Variants in PTPRD observed in about 807,000 individuals in gnomAD.
The protein encoded by PTPRD is receptor-type tyrosine-protein phosphatase delta.
In PTPRD, 34 loss-of-function variants were observed where a neutral mutation model predicts 214.5. The ratio of observed to expected loss-of-function variants is 0.16; its 90% CI spans 0.12 to 0.21. PTPRD has a LOEUF of 0.21. PTPRD is among the 10% of genes least tolerant of loss of function. The probability of loss-of-function intolerance (pLI) is 1.00; values close to 1 mark genes in which losing one functional copy is unlikely to be tolerated. For missense variants in PTPRD, 2,545 were observed against 2,398.7 expected (o/e 1.06, Z -1.27); for synonymous variants, 1,128 against 845.7 (o/e 1.33, Z -5.79).
chr9:9,500,415 C>T (rs531386276), intron 8 of PTPRD, among the ~76,000 whole-genome samples: 7 of 152,128 alleles, frequency 4.6e-5, no homozygotes, highest in African/African-American at 1.7e-4. Flanking sequence ...CAGAATTTTC[C>T]TGATAGCAGT....
At chr9:9,899,346 A>G (rs1472270723) in intron 5 of PTPRD, among the ~76,000 whole-genome samples, 1 of 152,092 alleles carries the variant, frequency 6.6e-6, no homozygotes, top group Admixed American at 6.6e-5. Flanking sequence ...AGGAACTAAA[A>G]CAACTCAATA....
At chr9:9,844,635 C>T (rs10978030) in intron 5 of PTPRD, among the ~76,000 whole-genome samples, 16,834 of 151,722 alleles carry the variant, frequency 0.11, 2,408 homozygotes, top group East Asian at 0.74. Flanking sequence ...CTCATAACTA[C>T]GACAAATTAC....
At chr9:9,354,631 C>T in intron 9 of PTPRD, among the ~76,000 whole-genome samples, 1 of 151,724 alleles carries the variant, frequency 6.6e-6, no homozygotes. Flanking sequence ...AGATAATACA[C>T]AACTATAGCC....
intron 3 of PTPRD, among the ~76,000 whole-genome samples, chr9:10,290,063 A>G (rs1255255244): frequency 1.3e-5 from 2 of 152,156 alleles, no homozygotes; most frequent in Non-Finnish European, 2.9e-5. Flanking sequence ...TGACAGGATG[A>G]CCATAATACA....
intron 3 of PTPRD, among the ~76,000 whole-genome samples, chr9:10,228,714 T>G (rs2099597498): frequency 6.7e-6 from 1 of 149,906 alleles, no homozygotes; most frequent in Non-Finnish European, 1.5e-5. Context: ...ATAGAATATA[T>G]TATATGTATA....
intron 38 of PTPRD, 102 bp downstream of exon 38, chr9:8,376,505 G>A: frequency 6.6e-7 from 1 of 1,523,824 alleles, no homozygotes; most frequent in Non-Finnish European, 9.0e-7. Context: ...TTGCCATTGA[G>A]ATCAAGATTT....
At chr9:9,175,653 G>C (rs1191972338) in intron 10 of PTPRD, among the ~76,000 whole-genome samples, 1 of 112,484 alleles carries the variant, frequency 8.9e-6, no homozygotes, top group Non-Finnish European at 1.9e-5. Context: ...AAAAAAAAGA[G>C]TTTTAACAAT....
chr9:10,302,267 C>T (rs570430585), intron 3 of PTPRD, among the ~76,000 whole-genome samples: 4 of 152,246 alleles, frequency 2.6e-5, no homozygotes, highest in African/African-American at 9.6e-5. Flanking sequence ...CTGAAGGAAG[C>T]ACTAAACATG....
intron 14 of PTPRD, among the ~76,000 whole-genome samples, chr9:8,571,642 A>G (rs79239516): frequency 2.7e-3 from 407 of 152,270 alleles, no homozygotes; most frequent in African/African-American, 9.5e-3. Flanking sequence ...AATTTATCCT[A>G]AATACCTCAC....
chr9:10,257,055 C>A (rs1160251557), intron 3 of PTPRD, among the ~76,000 whole-genome samples: 2 of 151,636 alleles, frequency 1.3e-5, no homozygotes, highest in African/African-American at 4.8e-5. Flanking sequence ...CTCCTCAAGA[C>A]TGAAGGCTCC....
chr9:8,709,402 C>T (rs987712296), intron 12 of PTPRD, among the ~76,000 whole-genome samples: 7 of 151,114 alleles, frequency 4.6e-5, no homozygotes, highest in Admixed American at 3.3e-4. Flanking sequence ...GTAGTCCCAG[C>T]TACTCGGGAG....
intron 12 of PTPRD, among the ~76,000 whole-genome samples, chr9:8,653,648 T>C (rs1403249888): frequency 1.3e-5 from 2 of 152,122 alleles, no homozygotes; most frequent in East Asian, 3.9e-4. Flanking sequence ...CTCTGTCATC[T>C]ATCAATCAAC....
intron 6 of PTPRD, among the ~76,000 whole-genome samples, chr9:9,753,924 C>T (rs1166922996): frequency 3.3e-5 from 5 of 151,958 alleles, no homozygotes; most frequent in East Asian, 1.9e-4. Flanking sequence ...TAAGAAAACT[C>T]GGATTTCCTC....
At chr9:9,480,401 C>G (rs1222313752) in intron 8 of PTPRD, among the ~76,000 whole-genome samples, 1 of 152,030 alleles carries the variant, frequency 6.6e-6, no homozygotes, top group African/African-American at 2.4e-5. Flanking sequence ...ATATAAGTTC[C>G]TTTTCAAATA....
chr9:9,439,490 G>T (rs2086659199), intron 8 of PTPRD, among the ~76,000 whole-genome samples: 1 of 152,102 alleles, frequency 6.6e-6, no homozygotes, highest in South Asian at 2.1e-4. Flanking sequence ...TGAACAACCT[G>T]CTGCAAGGAG....
intron 2 of PTPRD, among the ~76,000 whole-genome samples, chr9:10,347,988 G>A (rs542407347): frequency 7.9e-5 from 12 of 152,018 alleles, no homozygotes; most frequent in Admixed American, 4.6e-4. Flanking sequence ...AACCCAGGAG[G>A]TGGTGGCTGC....
rs559954808 is a variant in PTPRD at position 9,009,409 on chromosome 9, T to TATTTC, written c.-104+9287_-104+9288insGAAAT. Among the ~76,000 whole-genome samples the TATTTC allele has an allele frequency of 6.6e-4, 63 of 96,120 alleles. No individual in the cohort carries two copies. In the East Asian group the frequency reaches 0.024, roughly 37 times the overall value. 63.1% of individuals were successfully genotyped at this position (96,120 alleles called of 152,430 possible). A position where few individuals can be genotyped will look rare whatever the true frequency, so the allele number is the denominator to read the frequency against. ...CTCCACAAATTTCAGCAGTTCTTTC[T>TATTTC]ATTTTATTTTATTTTATTTTATTTT... On this transcript the variant is annotated intron_variant, in intron 11 of 45. Transcript: ENST00000381196.
chr9:8,583,092 G>A (rs1217309508), intron 14 of PTPRD, among the ~76,000 whole-genome samples: 2 of 152,188 alleles, frequency 1.3e-5, no homozygotes, highest in Non-Finnish European at 2.9e-5. Flanking sequence ...TTCCACCTCA[G>A]ATCATAAGGC....
intron 11 of PTPRD, among the ~76,000 whole-genome samples, chr9:8,978,911 T>C (rs2099287663): frequency 6.6e-6 from 1 of 152,134 alleles, no homozygotes; most frequent in Non-Finnish European, 1.5e-5. Context: ...GCAATGCACA[T>C]GTAGTTATTT....
Sources: gnomAD v4.1 joint callset for allele counts (sites outside exome capture counted in the v4.1 genomes callset) on GRCh38, gnomAD v4.1.1 for gene constraint, MANE v1.5 for transcripts, NCBI Gene and HGNC (gene_info 2026-07-23, HGNC 2026-07-21) for gene names.